The following SPTAN1 variants were observed in gnomAD, a reference collection of about 807,000 sequenced individuals.
SPTAN1 encodes spectrin alpha, non-erythrocytic 1, also known as spectrin alpha chain, non-erythrocytic 1.
In SPTAN1, 61 loss-of-function variants were observed where a neutral mutation model predicts 331.3. The observed-to-expected ratio is 0.18, with a 90% CI of 0.15 to 0.23. The LOEUF (loss-of-function observed/expected upper bound fraction) is 0.23. Among genes scored for constraint, SPTAN1 ranks in the 10% least tolerant of loss-of-function variants. The probability of loss-of-function intolerance (pLI) is 1.00; values close to 1 mark genes in which losing one functional copy is unlikely to be tolerated. For missense variants in SPTAN1, 2,043 were observed against 3,147.9 expected (o/e 0.65, Z 8.40); for synonymous variants, 1,153 against 1,173.9 (o/e 0.98, Z 0.36).
intron 55 of SPTAN1, 24 bp downstream of exon 55, chr9:128,632,742 T>C (rs778134606): frequency 1.2e-6 from 2 of 1,614,060 alleles, no homozygotes; most frequent in South Asian, 2.2e-5. Flanking sequence ...GGCCAGGTGC[T>C]GTGAGCCTCT....
In SPTAN1 at chr9:128,552,666, C is replaced by G. The variant is rs796053308; in HGVS notation, c.-34C>G. On this transcript the variant is annotated 5_prime_UTR_variant, in exon 1 of 57. Coordinates refer to ENST00000372739, the MANE Select transcript of SPTAN1 (RefSeq NM_001130438.3). This position sits in a 1 kb window ranked among gnomAD's most constrained non-coding sequence, Gnocchi z 4.6. The stretch of plus-strand genomic sequence containing the variant: ...GGTCCTTCAGCACCCCTCGGCCCGA[C>G]GCACCCACGCCCCTCACCCCCCGAG... 4 of 151,714 alleles carry G rather than the reference C, an allele frequency of 2.6e-5. No individual in the cohort carries two copies. Among genetic ancestry groups the G allele is most frequent in the Admixed American group, 2.0e-4 (3 of 15,248 alleles). The allele number at this position is 151,714 out of a possible 1,614,324, so 9.4% of individuals were successfully genotyped here. A position where few individuals can be genotyped will look rare whatever the true frequency, so the allele number is the denominator to read the frequency against.
intron 1 of SPTAN1, among the ~76,000 whole-genome samples, chr9:128,559,777 C>T (rs979837463): frequency 1.8e-4 from 27 of 151,804 alleles, no homozygotes; most frequent in African/African-American, 6.5e-4. Flanking sequence ...TTTCGTCGCC[C>T]AGGCTAGAGT....
intron 1 of SPTAN1, among the ~76,000 whole-genome samples, chr9:128,557,172 T>C (rs543092105): frequency 6.6e-6 from 1 of 152,350 alleles, no homozygotes; most frequent in South Asian, 2.1e-4. Context: ...TGTTAGTCCC[T>C]AAAAATCCCT....
intron 43 of SPTAN1, among the ~76,000 whole-genome samples, chr9:128,618,399 CATG>C (rs1589356481): frequency 6.6e-6 from 1 of 152,036 alleles, no homozygotes; most frequent in East Asian, 1.9e-4. Context: ...GAAATCAAGA[CATG>C]AGAGTCTGGA....
intron 1 of SPTAN1, among the ~76,000 whole-genome samples, chr9:128,563,053 T>A (rs1280268687): frequency 6.7e-6 from 1 of 148,540 alleles, no homozygotes; most frequent in Non-Finnish European, 1.5e-5. Context: ...CAAAAACTGC[T>A]CTGAGCAGAC....
intron 2 of SPTAN1, among the ~76,000 whole-genome samples, chr9:128,567,276 TTTTTGTTTTG>T (rs537687332): frequency 6.6e-6 from 1 of 152,054 alleles, no homozygotes; most frequent in African/African-American, 2.4e-5. Context: ...GGAATGAGGT[TTTTTGTTTTG>T]TTTTGTTTTG....
At chr9:128,555,492 A>G (rs1230372462) in intron 1 of SPTAN1, 1 of 1,047,798 alleles carries the variant, frequency 9.5e-7, no homozygotes, top group African/African-American at 1.6e-5. Context: ...TGAATGATCC[A>G]AAGAAAGGGG....
chr9:128,617,548 G>A lies in SPTAN1; in HGVS notation c.5358-92G>A, dbSNP rs574171577. The A allele has an allele frequency of 2.8e-3, 4,500 of 1,585,204 alleles. 10 individuals carry two copies. The highest frequency in any genetic ancestry group is 4.0e-3 in the South Asian group (357 of 89,738). ...AAGGATTTTCCCAGAAAGATTAGTA[G>A]ATGTCTGTGAGGTCCACAGTTGACC... On this transcript the variant is annotated intron_variant, in intron 41 of 56. Transcript: ENST00000372739.
rs1018350430 is a variant in SPTAN1, at chr9:128,621,032, C to T, written c.5734-126C>T. ...TAATGTTCCTCTTTATTATCCTCTTCCCCAGCTAGACTGTAATGTGTGCAT... is the reference window on the plus strand; with the variant it reads ...TAATGTTCCTCTTTATTATCCTCTTTCCCAGCTAGACTGTAATGTGTGCAT... On this transcript the variant is annotated intron_variant, in intron 44 of 56. Transcript: ENST00000372739. 5 of 781,626 alleles carry T rather than the reference C, an allele frequency of 6.4e-6. No individual in the cohort carries two copies. In the African/African-American group the frequency reaches 8.4e-5, roughly 13 times the overall value. The allele number at this position is 781,626 out of a possible 1,614,324, so 48.4% of individuals were successfully genotyped here. A position where few individuals can be genotyped will look rare whatever the true frequency, so the allele number is the denominator to read the frequency against.
Position 128,609,677 on chromosome 9 carries a change from A to T in SPTAN1, c.4773+12A>T. The T allele has an allele frequency of 1.3e-6, 2 of 1,505,912 alleles. No individual in the cohort carries two copies. The highest frequency in any genetic ancestry group is 1.8e-6 in the Non-Finnish European group (2 of 1,129,202). The allele number at this position is 1,505,912 out of a possible 1,614,324, so 93.3% of individuals were successfully genotyped here. ...TTTCCAAGCTGCTGGTAAGTTTTTA[A>T]TTTTTTTAAGAGTTGTAGTTAAATG... On this transcript the variant is annotated intron_variant, in intron 37 of 56. Transcript: ENST00000372739.
Position 128,577,022 on chromosome 9 carries a change from C to T in SPTAN1, c.785+66C>T, listed in dbSNP as rs1851383834. 3.1e-6 allele frequency: 5 copies of T among 1,613,898 alleles called. No homozygotes were observed. In the South Asian group the frequency reaches 4.4e-5, roughly 14 times the overall value. ...TGGAGGGGAGTTGTGAAGCACAGGG[C>T]ATGTGCTGGTGAGCTGTCGAGGCTG... On this transcript the variant is annotated intron_variant, in intron 6 of 56. Transcript: ENST00000372739. The surrounding 1 kb of genome is among the most constrained non-coding windows in gnomAD (Gnocchi z 4.2).
chr9:128,633,136 C>T (rs1860088889), intron 56 of SPTAN1, 73 bp from the exon 57 acceptor site: 10 of 1,610,552 alleles, frequency 6.2e-6, no homozygotes, highest in Admixed American at 1.7e-5. Context: ...CCCCAGCATC[C>T]TGAGACCTGG....
chr9:128,589,002 G>A, intron 21 of SPTAN1, 59 bp downstream of exon 21: 3 of 1,602,004 alleles, frequency 1.9e-6, no homozygotes, highest in South Asian at 2.2e-5. Context: ...CGTATGCTCA[G>A]TTGGGTTTCT....
chr9:128,603,485 A>C, intron 27 of SPTAN1, 58 bp from the exon 28 acceptor site: 1 of 1,596,754 alleles, frequency 6.3e-7, no homozygotes, highest in Non-Finnish European at 8.6e-7. Flanking sequence ...CTTGCAGCTC[A>C]GATCTCTAAT....
At chr9:128,615,305 C>T (rs1352585564) in intron 40 of SPTAN1, among the ~76,000 whole-genome samples, 2 of 152,046 alleles carry the variant, frequency 1.3e-5, no homozygotes, top group Non-Finnish European at 2.9e-5. Flanking sequence ...TTAAGTGAAA[C>T]AGCATTTTTT....
chr9:128,606,506 A>G (rs867849308), intron 31 of SPTAN1, among the ~76,000 whole-genome samples: 3,072 of 88,108 alleles, frequency 0.035, 105 homozygotes, highest in African/African-American at 0.11. Flanking sequence ...TTGGGGGGGG[A>G]AGCGTTTCGC....
chr9:128,567,391 G>A (rs377593851), intron 2 of SPTAN1, among the ~76,000 whole-genome samples: 6 of 152,156 alleles, frequency 3.9e-5, no homozygotes, highest in East Asian at 1.9e-4. Context: ...TCCCAGGTTC[G>A]AGTGATTCTC....
intron 1 of SPTAN1, among the ~76,000 whole-genome samples, chr9:128,566,215 C>T (rs1850017538): frequency 6.6e-6 from 1 of 152,138 alleles, no homozygotes; most frequent in African/African-American, 2.4e-5. Flanking sequence ...CACCACCATG[C>T]CCAGCTATTT....
rs1851457178 is a variant in SPTAN1 at position 128,577,636 on chromosome 9, C to A, written c.1085+130C>A. On this transcript the variant is annotated intron_variant, in intron 8 of 56. Coordinates refer to ENST00000372739, the MANE Select transcript of SPTAN1 (RefSeq NM_001130438.3). This position sits in a 1 kb window ranked among gnomAD's most constrained non-coding sequence, Gnocchi z 4.2. ...TATCACCTACAAATGCAAATCACTT[C>A]TTACCTATGTTCTCTCTGTTTGGAG... is the stretch of plus-strand genomic sequence containing the variant. 3 of 1,229,416 alleles carry A rather than the reference C, an allele frequency of 2.4e-6. No homozygotes were observed. Among genetic ancestry groups the A allele is most frequent in the Admixed American group, 1.8e-5 (1 of 55,718 alleles). The allele number at this position is 1,229,416 out of a possible 1,614,324, so 76.2% of individuals were successfully genotyped here. A position where few individuals can be genotyped will look rare whatever the true frequency, so the allele number is the denominator to read the frequency against.
Sources: allele counts gnomAD v4.1 joint callset (sites outside exome capture counted in the v4.1 genomes callset), GRCh38; gene constraint gnomAD v4.1.1; non-coding constraint Gnocchi (gnomAD v3.1); transcripts MANE v1.5; gene names NCBI Gene and HGNC (gene_info 2026-07-23, HGNC 2026-07-21).